The following LRMDA variants were observed in gnomAD, a reference collection of about 807,000 sequenced individuals.
LRMDA encodes leucine rich melanocyte differentiation associated.
LRMDA carries 18 observed loss-of-function variants against 29.8 expected under a neutral mutation model. That is an observed-to-expected ratio of 0.60 (90% CI 0.42 to 0.90). The LOEUF is 0.90. Ranked by LOEUF, LRMDA falls within the 40% of genes least tolerant of loss-of-function variation. The probability of loss-of-function intolerance (pLI) is 0.00; values close to 1 mark genes in which losing one functional copy is unlikely to be tolerated. For missense variants in LRMDA, 273 were observed against 273.9 expected (o/e 1.00, Z 0.02); for synonymous variants, 125 against 109.4 (o/e 1.14, Z -0.89).
rs1846912378 is a variant in LRMDA at position 75,968,751 on chromosome 10, C to T, written c.132-67257C>T. Reference sequence around the variant, plus strand: ...TCTCATTCCTGTCCCACTAGAGATTCATACCCTTAGGTATCTTTTGGAGGG... The same window carrying T: ...TCTCATTCCTGTCCCACTAGAGATTTATACCCTTAGGTATCTTTTGGAGGG... On this transcript the variant is annotated intron_variant, in intron 2 of 6. Transcript: ENST00000611255. Among the ~76,000 whole-genome samples the T allele has an allele frequency of 2.0e-5, 3 of 152,162 alleles. No individual in the cohort carries two copies. In the South Asian group the frequency reaches 6.2e-4, roughly 32 times the overall value.
At chr10:75,816,005 A>C (rs1844052444) in intron 2 of LRMDA, among the ~76,000 whole-genome samples, 1 of 152,224 alleles carries the variant, frequency 6.6e-6, no homozygotes, top group African/African-American at 2.4e-5. Flanking sequence ...CTGGTAAATA[A>C]TAAATGGTGA....
intron 2 of LRMDA, among the ~76,000 whole-genome samples, chr10:76,013,002 G>A (rs1589288664): frequency 2.0e-5 from 3 of 152,264 alleles, no homozygotes; most frequent in Middle Eastern, 6.8e-3. Context: ...ATTTCTTTGC[G>A]GGAGGGGGAG....
At chr10:75,539,038 A>AT (rs1369769624) in intron 2 of LRMDA, among the ~76,000 whole-genome samples, 1 of 152,194 alleles carries the variant, frequency 6.6e-6, no homozygotes, top group East Asian at 1.9e-4. Context: ...GCAGAATGGA[A>AT]TTTTTTATTT....
chr10:75,839,901 G>A (rs1844508679), intron 2 of LRMDA, among the ~76,000 whole-genome samples: 1 of 151,794 alleles, frequency 6.6e-6, no homozygotes, highest in Admixed American at 6.6e-5. Flanking sequence ...GTAGAGACGG[G>A]GTTTCACCGT....
intron 6 of LRMDA, among the ~76,000 whole-genome samples, chr10:76,468,429 AG>A (rs2132314532): frequency 6.6e-6 from 1 of 152,290 alleles, no homozygotes; most frequent in Admixed American, 6.5e-5. Context: ...TGACCCCTTT[AG>A]GGGGAGTGTT....
At chr10:76,383,893 C>T (rs1315975490) in intron 6 of LRMDA, among the ~76,000 whole-genome samples, 3 of 152,184 alleles carry the variant, frequency 2.0e-5, no homozygotes, top group Non-Finnish European at 4.4e-5. Context: ...CAACCAGCTA[C>T]CCACCAGTCA....
intron 5 of LRMDA, among the ~76,000 whole-genome samples, chr10:76,148,737 C>T (rs973808993): frequency 2.0e-5 from 3 of 152,124 alleles, no homozygotes; most frequent in Non-Finnish European, 4.4e-5. Flanking sequence ...GAGATGAACC[C>T]GGTACCTCAG....
At chr10:76,170,358 G>A (rs1850812706) in intron 5 of LRMDA, among the ~76,000 whole-genome samples, 1 of 152,194 alleles carries the variant, frequency 6.6e-6, no homozygotes, top group Non-Finnish European at 1.5e-5. Context: ...AGAGATTTAT[G>A]TTAAATTCTT....
chr10:75,797,769 C>A (rs541178369), intron 2 of LRMDA, among the ~76,000 whole-genome samples: 1 of 152,214 alleles, frequency 6.6e-6, no homozygotes, highest in East Asian at 1.9e-4. Context: ...ATGGATATAG[C>A]ACATTTAGTT....
intron 6 of LRMDA, among the ~76,000 whole-genome samples, chr10:76,505,097 TTC>T (rs1470429480): frequency 6.6e-6 from 1 of 151,274 alleles, no homozygotes; most frequent in Non-Finnish European, 1.5e-5. Flanking sequence ...GGTATGAAAT[TTC>T]TTTTTTTTTT....
chr10:76,278,964 G>A (rs1233002325), intron 5 of LRMDA, among the ~76,000 whole-genome samples: 1 of 152,096 alleles, frequency 6.6e-6, no homozygotes, highest in East Asian at 1.9e-4. Context: ...GAACAAGTTT[G>A]TTTTTCTTAT....
rs560995334 is a variant in LRMDA, at chr10:75,519,966, G to A, written c.131+81472G>A. ...TTAGTTTGGCTGGATATGAAATTCT[G>A]GGTTGAAAATTCTTTTCTTTAAGAA... On this transcript the variant is annotated intron_variant, in intron 2 of 6. Transcript: ENST00000611255. 3.3e-5 allele frequency among the ~76,000 whole-genome samples: 5 copies of A among 152,222 alleles called. No individual in the cohort carries two copies. The East Asian group carries it at 5.8e-4, about 18-fold the overall frequency.
intron 2 of LRMDA, among the ~76,000 whole-genome samples, chr10:76,001,654 A>G (rs1847565257): frequency 6.6e-6 from 1 of 151,806 alleles, no homozygotes; most frequent in South Asian, 2.1e-4. Flanking sequence ...TATTTATTTA[A>G]TGAAACATTT....
chr10:75,799,680 T>TTGTGTG (rs57575125), intron 2 of LRMDA, among the ~76,000 whole-genome samples: 2,393 of 136,184 alleles, frequency 0.018, 37 homozygotes, highest in African/African-American at 0.043. Context: ...ATTCCTAGCT[T>TTGTGTG]TGTGTGTGTG....
intron 5 of LRMDA, among the ~76,000 whole-genome samples, chr10:76,200,926 A>C (rs1243998256): frequency 2.6e-5 from 4 of 151,388 alleles, no homozygotes; most frequent in Admixed American, 2.6e-4. Context: ...CATGTTGGCC[A>C]GGCTGGTCTC....
chr10:76,125,275 C>A (rs1161796442), intron 5 of LRMDA, among the ~76,000 whole-genome samples: 2 of 152,110 alleles, frequency 1.3e-5, no homozygotes, highest in Non-Finnish European at 1.5e-5. Flanking sequence ...GAAGCTGGGA[C>A]AGGTGAATGT....
chr10:75,896,616 G>A (rs990225375), intron 2 of LRMDA, among the ~76,000 whole-genome samples: 4 of 152,114 alleles, frequency 2.6e-5, no homozygotes, highest in Non-Finnish European at 4.4e-5. Flanking sequence ...AGATTCATGA[G>A]CAAAGTGACT....
intron 2 of LRMDA, among the ~76,000 whole-genome samples, chr10:75,799,009 A>G (rs951798403): frequency 1.3e-5 from 2 of 152,216 alleles, no homozygotes; most frequent in African/African-American, 4.8e-5. Context: ...TGCATTGTGC[A>G]ATTTTTGGAT....
intron 2 of LRMDA, among the ~76,000 whole-genome samples, chr10:75,584,040 G>A (rs1840627408): frequency 6.6e-6 from 1 of 152,028 alleles, no homozygotes; most frequent in African/African-American, 2.4e-5. Flanking sequence ...CCTTCACGTG[G>A]TTCGCAAGGA....
Sources: allele counts gnomAD v4.1 joint callset (sites outside exome capture counted in the v4.1 genomes callset), GRCh38; gene constraint gnomAD v4.1.1; transcripts MANE v1.5; gene names NCBI Gene and HGNC (gene_info 2026-07-23, HGNC 2026-07-21).